Variants in LARP4B observed in about 807,000 individuals in gnomAD.
The protein encoded by LARP4B is La ribonucleoprotein 4B.
LARP4B carries 12 observed loss-of-function variants against 89.8 expected under a neutral mutation model. The observed-to-expected ratio is 0.13, with a 90% CI of 0.09 to 0.22. The LOEUF (loss-of-function observed/expected upper bound fraction) is 0.22. LARP4B is among the 10% of genes least tolerant of loss of function. The probability of loss-of-function intolerance (pLI) is 1.00; values close to 1 mark genes in which losing one functional copy is unlikely to be tolerated. For synonymous variants in LARP4B, 367 were observed against 363.3 expected, an observed-to-expected ratio of 1.01 and a Z score of -0.12; for missense variants, 757 against 947.7, an observed-to-expected ratio of 0.80 and a Z score of 2.64.
chr10:896,638 TATTA>T (rs1248007687), intron 1 of LARP4B, among the ~76,000 whole-genome samples: 1 of 152,214 alleles, frequency 6.6e-6, no homozygotes, highest in Non-Finnish European at 1.5e-5. Context: ...ATATTTATAA[TATTA>T]ATTGATTCTT....
At chr10:909,656 G>A (rs1836613947) in intron 1 of LARP4B, among the ~76,000 whole-genome samples, 1 of 151,676 alleles carries the variant, frequency 6.6e-6, no homozygotes, top group South Asian at 2.1e-4. Context: ...ATGGTGGCAG[G>A]AGCCTGTAAT....
chr10:913,469 C>A (rs1836730948), intron 1 of LARP4B, among the ~76,000 whole-genome samples: 1 of 152,130 alleles, frequency 6.6e-6, no homozygotes, highest in Admixed American at 6.5e-5. Flanking sequence ...TTGGGTAGAT[C>A]TTTGGTAAAT....
chr10:829,855 G>C (rs1832808026), intron 9 of LARP4B, 121 bp from the exon 10 acceptor site: 3 of 708,186 alleles, frequency 4.2e-6, no homozygotes, highest in Non-Finnish European at 7.3e-6. Context: ...ACAGAACCTA[G>C]AATAATGATT....
chr10:966,291 T>C, the LARP4B span, among the ~76,000 whole-genome samples: 2 of 151,906 alleles, frequency 1.3e-5, no homozygotes, highest in South Asian at 4.1e-4. Flanking sequence ...CCCATCTCTA[T>C]AAAAAATTTT....
intron 1 of LARP4B, among the ~76,000 whole-genome samples, chr10:912,250 T>A (rs1384479287): frequency 1.3e-5 from 2 of 148,280 alleles, no homozygotes; most frequent in African/African-American, 5.0e-5. Context: ...ACACATAAAA[T>A]ACACTAACAC....
chr10:827,612 T>C (rs1457199815), intron 11 of LARP4B, among the ~76,000 whole-genome samples: 1 of 152,190 alleles, frequency 6.6e-6, no homozygotes, highest in Non-Finnish European at 1.5e-5. Context: ...ACCAGCTGTC[T>C]GGCACACACC....
chr10:909,000 A>C (rs946289788), intron 1 of LARP4B, among the ~76,000 whole-genome samples: 2 of 152,062 alleles, frequency 1.3e-5, no homozygotes, highest in African/African-American at 4.8e-5. Flanking sequence ...GGAGCTATGA[A>C]ATTCCAAGTT....
In LARP4B at chr10:812,670, G is replaced by GA. The variant is rs565059369; in HGVS notation, c.*255dup. ...TAGGATAAATGCTTTTTCTATCTTG[G>GA]AAAAAAAAATCAGACTTATGCATCA... is the stretch of plus-strand genomic sequence containing the variant. On this transcript the variant is annotated 3_prime_UTR_variant, in exon 18 of 18. Coordinates refer to ENST00000316157, the MANE Select transcript of LARP4B (RefSeq NM_015155.3). 548 of 335,284 alleles carry GA rather than the reference G, an allele frequency of 1.6e-3. No homozygotes were observed. The highest frequency in any genetic ancestry group is 2.6e-3 in the East Asian group (56 of 21,864). 20.8% of individuals were successfully genotyped at this position (335,284 alleles called of 1,614,324 possible).
At chr10:831,773 C>T (rs1411278621) in intron 8 of LARP4B, among the ~76,000 whole-genome samples, 3 of 152,158 alleles carry the variant, frequency 2.0e-5, no homozygotes, top group Non-Finnish European at 4.4e-5. Context: ...AACTTCACTG[C>T]ATTTCAAAAC....
chr10:930,573 G>A (rs1227857744), intron 1 of LARP4B, among the ~76,000 whole-genome samples: 2 of 152,080 alleles, frequency 1.3e-5, no homozygotes, highest in African/African-American at 4.8e-5. Flanking sequence ...GACGCACAAC[G>A]GCACTGAAAC....
chr10:873,563 T>A, intron 3 of LARP4B: 1 of 283,058 alleles, frequency 3.5e-6, no homozygotes, highest in Non-Finnish European at 5.3e-6. Context: ...AGTTCATAAA[T>A]TCCCCCAAAG....
At chr10:923,769 G>C (rs1249149644) in intron 1 of LARP4B, among the ~76,000 whole-genome samples, 1 of 152,044 alleles carries the variant, frequency 6.6e-6, no homozygotes, top group Non-Finnish European at 1.5e-5. Flanking sequence ...TGATCACTAG[G>C]TTTTCATCTC....
intron 3 of LARP4B, chr10:873,123 C>G (rs911509209): frequency 2.0e-6 from 2 of 985,314 alleles, no homozygotes; most frequent in Non-Finnish European, 2.4e-6. Flanking sequence ...CTACTTAGTT[C>G]TCTGCTGAAG....
the LARP4B span, among the ~76,000 whole-genome samples, chr10:951,259 G>GC: frequency 1.3e-5 from 2 of 152,022 alleles, no homozygotes; most frequent in African/African-American, 4.8e-5. Flanking sequence ...TTTTTTAACA[G>GC]TTTTTTAGGC....
At chr10:866,793 G>A (rs912593006) in intron 3 of LARP4B, among the ~76,000 whole-genome samples, 28 of 152,116 alleles carry the variant, frequency 1.8e-4, no homozygotes, top group Admixed American at 5.9e-4. Context: ...TTTTGCAGTT[G>A]ACTGTCCTAT....
chr10:824,206 A>G (rs1832500362), intron 13 of LARP4B, among the ~76,000 whole-genome samples: 3 of 152,242 alleles, frequency 2.0e-5, no homozygotes, highest in Admixed American at 6.5e-5. Context: ...GGCCTTATCA[A>G]CAATGGGCAG....
chr10:922,595 A>G (rs1441465411), intron 1 of LARP4B, among the ~76,000 whole-genome samples: 1 of 151,990 alleles, frequency 6.6e-6, no homozygotes, highest in Non-Finnish European at 1.5e-5. Flanking sequence ...GGAGCTCAGA[A>G]ATTGGAGGCT....
chr10:964,999 G>C, the LARP4B span, among the ~76,000 whole-genome samples: 1 of 152,182 alleles, frequency 6.6e-6, no homozygotes, highest in African/African-American at 2.4e-5. Context: ...ACCCCAGGTG[G>C]GGCCTCCACC....
chr10:827,690 G>A (rs979230539), intron 11 of LARP4B, among the ~76,000 whole-genome samples: 1 of 152,068 alleles, frequency 6.6e-6, no homozygotes, highest in African/African-American at 2.4e-5. Context: ...CCCCGAGAGG[G>A]TCAACCATGA....
Sources: allele counts gnomAD v4.1 joint callset (sites outside exome capture counted in the v4.1 genomes callset), GRCh38; gene constraint gnomAD v4.1.1; transcripts MANE v1.5; gene names NCBI Gene and HGNC (gene_info 2026-07-23, HGNC 2026-07-21).